CD2AP: variants seen among roughly 807,000 people sequenced by gnomAD.
The protein encoded by CD2AP is CD2 associated protein, also known as CD2-associated protein.
A neutral mutation model predicts 85.1 loss-of-function variants in CD2AP; 46 were observed. The ratio of observed to expected loss-of-function variants is 0.54; its 90% CI spans 0.43 to 0.69. The LOEUF (loss-of-function observed/expected upper bound fraction) is 0.69, where lower values mean the gene tolerates loss of function less well. Among genes scored for constraint, CD2AP ranks in the 30% least tolerant of loss-of-function variants. The probability of loss-of-function intolerance (pLI) is 0.00; values close to 1 mark genes in which losing one functional copy is unlikely to be tolerated. For missense variants in CD2AP, 769 were observed against 729.5 expected, an observed-to-expected ratio of 1.05 and a Z score of -0.62; for synonymous variants, 255 against 252.9, an observed-to-expected ratio of 1.01 and a Z score of -0.08.
chr6:47,497,147 G>T (rs1346147261), intron 1 of CD2AP, among the ~76,000 whole-genome samples: 50 of 148,770 alleles, frequency 3.4e-4, no homozygotes, highest in Middle Eastern at 3.6e-3. Flanking sequence ...ACCATGTCGT[G>T]TTTTTTTTTT....
chr6:47,596,120 T>A lies in CD2AP; in HGVS notation c.1274+94T>A, dbSNP rs1768938215. 37 of 892,830 alleles carry A rather than the reference T, an allele frequency of 4.1e-5. No individual in the cohort carries two copies. The South Asian group carries it at 5.3e-4, about 13-fold the overall frequency. 55.3% of individuals were successfully genotyped at this position (892,830 alleles called of 1,614,324 possible). ...TTTCTAAATCTCCAGGTATGTTTTT[T>A]CTTATTTTTCAGTTATATTTATTTT... On this transcript the variant is annotated intron_variant, in intron 12 of 17. Transcript: ENST00000359314.
At chr6:47,558,186 G>C (rs1471431739) in intron 5 of CD2AP, among the ~76,000 whole-genome samples, 3 of 152,162 alleles carry the variant, frequency 2.0e-5, no homozygotes, top group Non-Finnish European at 2.9e-5. Flanking sequence ...TGTATCCTGA[G>C]ACTTTGCTGA....
At chr6:47,604,234 T>C (rs1245985843) in intron 13 of CD2AP, among the ~76,000 whole-genome samples, 10 of 152,086 alleles carry the variant, frequency 6.6e-5, no homozygotes, top group Non-Finnish European at 1.2e-4. Context: ...TCCATTGTTA[T>C]CCCTCTTAGG....
chr6:47,594,492 A>G lies in CD2AP; in HGVS notation c.1109-1369A>G, dbSNP rs74436320. ...ATTTGTGTATTCTGTTAAAATAAAT[A>G]TATTCAATCAGTGAACTTCTCTTTA... On this transcript the variant is annotated intron_variant, in intron 11 of 17. Coordinates refer to ENST00000359314, the MANE Select transcript of CD2AP (RefSeq NM_012120.3). Among the ~76,000 whole-genome samples, 390 of 152,144 alleles carry G rather than the reference A, an allele frequency of 2.6e-3. 1 individual carries two copies. Among genetic ancestry groups the G allele is most frequent in the Non-Finnish European group, 4.5e-3 (308 of 67,936 alleles).
chr6:47,564,680 G>A (rs1767945056), intron 5 of CD2AP, among the ~76,000 whole-genome samples: 1 of 151,860 alleles, frequency 6.6e-6, no homozygotes, highest in South Asian at 2.1e-4. Context: ...TCTGCATATT[G>A]TTGTGAATGC....
intron 17 of CD2AP, among the ~76,000 whole-genome samples, chr6:47,620,091 T>G (rs1769705354): frequency 6.6e-6 from 1 of 152,238 alleles, no homozygotes; most frequent in East Asian, 1.9e-4. Flanking sequence ...TATCTTTGTT[T>G]TTATTGCATT....
At position 47,606,263 on chromosome 6, in the gene CD2AP, A is replaced by C; in HGVS notation, c.1516A>C (p.Asn506His). 5 of 1,586,954 alleles carry C rather than the reference A, an allele frequency of 3.2e-6. No homozygotes were observed. The South Asian group carries it at 5.5e-5, about 18-fold the overall frequency. Reference protein sequence around the residue: ...MPGRRLPGRFNGGHSPTHSPE... With the variant: ...MPGRRLPGRFHGGHSPTHSPE... ...TGGAAGAAGGTTGCCGGGCCGTTTC[A>C]ATGGTGGACATTCTGTGAGTTCATC... The change falls in exon 14 of 18, where the codon AAT becomes CAT. Residue 506 changes from asparagine to histidine, a missense_variant. Transcript: ENST00000359314.
At chr6:47,616,105 T>C (rs1160678768) in intron 17 of CD2AP, among the ~76,000 whole-genome samples, 1 of 66,122 alleles carries the variant, frequency 1.5e-5, no homozygotes, top group East Asian at 5.8e-4. Context: ...TTTTTTTTTT[T>C]TTTTGAGATG....
intron 17 of CD2AP, among the ~76,000 whole-genome samples, chr6:47,613,770 C>T (rs115707597): frequency 0.014 from 2,151 of 152,302 alleles, 35 homozygotes; most frequent in African/African-American, 0.034. Context: ...TGACTTCTCT[C>T]TAGTTATGGA....
chr6:47,610,085 T>C (rs1483614437), intron 16 of CD2AP, among the ~76,000 whole-genome samples: 6 of 152,126 alleles, frequency 3.9e-5, no homozygotes, highest in African/African-American at 1.4e-4. Context: ...GATACCCTAG[T>C]TGAAAGTTAG....
intron 5 of CD2AP, among the ~76,000 whole-genome samples, chr6:47,571,777 A>C (rs148992328): frequency 6.6e-6 from 1 of 152,320 alleles, no homozygotes; most frequent in East Asian, 1.9e-4. Flanking sequence ...TCTAGATTTC[A>C]GAGATTTTAT....
intron 12 of CD2AP, 63 bp from the exon 13 acceptor site, chr6:47,599,238 C>T: frequency 7.2e-7 from 1 of 1,380,262 alleles, no homozygotes; most frequent in Non-Finnish European, 1.0e-6. Context: ...GTCATTAAAT[C>T]ACAATTTAAA....
chr6:47,599,369 A>T lies in CD2AP; in HGVS notation c.1343A>T (p.Asp448Val). The T allele has an allele frequency of 6.2e-7, 1 of 1,612,116 alleles. No homozygotes were observed. Among genetic ancestry groups the T allele is most frequent in the Non-Finnish European group, 8.5e-7 (1 of 1,178,710 alleles). The change falls in exon 13 of 18, where the codon GAT becomes GTT. Residue 448 changes from aspartate (D) to valine (V), a missense_variant. Physicochemically the swap from Asp to Val is radical, Grantham distance 152. Transcript: ENST00000359314. ...GAGCCAGTATCAAAACTAAAGCTAG[A>T]TTCTGAACAGCTGCCCCTTAGACCA... The part of the protein sequence containing the change: ...ETEPVSKLKL[D>V]SEQLPLRPKS...
Position 47,478,154 on chromosome 6 carries a change from C to G in CD2AP, c.-91C>G, listed in dbSNP as rs1158873419. 2.0e-6 allele frequency: 3 copies of G among 1,505,582 alleles called. No individual in the cohort carries two copies. The highest frequency in any genetic ancestry group is 3.9e-5 in the Admixed American group (2 of 50,918). 93.3% of individuals were successfully genotyped at this position (1,505,582 alleles called of 1,614,324 possible). ...AGGGGCTAGCGCGGAGCGCGGGTCC[C>G]GCCTCCAGCCGCGGGAGCGGCCGCG... On this transcript the variant is annotated 5_prime_UTR_variant, in exon 1 of 18. Coordinates refer to ENST00000359314, the MANE Select transcript of CD2AP (RefSeq NM_012120.3).
intron 8 of CD2AP, 144 bp downstream of exon 8, chr6:47,577,247 A>G (rs1015298164): frequency 3.3e-6 from 2 of 608,030 alleles, no homozygotes; most frequent in African/African-American, 3.7e-5. Context: ...AAGTCCTGAA[A>G]ACTTGGCACG....
chr6:47,616,443 C>T (rs963077418), intron 17 of CD2AP, among the ~76,000 whole-genome samples: 10 of 152,068 alleles, frequency 6.6e-5, no homozygotes, highest in Non-Finnish European at 1.2e-4. Flanking sequence ...CTTTGCACTT[C>T]GGTACTAAAT....
Position 47,625,335 on chromosome 6 carries a change from CTAT to C in CD2AP, c.*1113_*1115del, listed in dbSNP as rs1484765217. On this transcript the variant is annotated 3_prime_UTR_variant, in exon 18 of 18. Coordinates refer to ENST00000359314, the MANE Select transcript of CD2AP (RefSeq NM_012120.3). ...AACTAACTCATGGAGATATTTTGAACTATTATTTAGGTACAAACTTTATAAAGA... is the reference window on the plus strand; with the variant it reads ...AACTAACTCATGGAGATATTTTGAACTATTTAGGTACAAACTTTATAAAGA... The C allele has an allele frequency of 1.3e-5, 2 of 151,830 alleles. No homozygotes were observed. Among genetic ancestry groups the C allele is most frequent in the Non-Finnish European group, 2.9e-5 (2 of 67,808 alleles). 9.4% of individuals were successfully genotyped at this position (151,830 alleles called of 1,614,324 possible). A position where few individuals can be genotyped will look rare whatever the true frequency, so the allele number is the denominator to read the frequency against.
chr6:47,616,388 C>T (rs894118164), intron 17 of CD2AP, among the ~76,000 whole-genome samples: 1 of 152,152 alleles, frequency 6.6e-6, no homozygotes, highest in African/African-American at 2.4e-5. Context: ...GCCACTGCAC[C>T]TGGCCTTAAA....
chr6:47,566,130 TTC>T (rs1259959615), intron 5 of CD2AP, among the ~76,000 whole-genome samples: 2 of 151,988 alleles, frequency 1.3e-5, no homozygotes, highest in African/African-American at 4.8e-5. Context: ...TGATTCAGGA[TTC>T]TCTCAGAAAT....
Sources: gnomAD v4.1 joint callset for allele counts (sites outside exome capture counted in the v4.1 genomes callset) on GRCh38, gnomAD v4.1.1 for gene constraint, MANE v1.5 for transcripts, NCBI Gene and HGNC (gene_info 2026-07-23, HGNC 2026-07-21) for gene names.